The following WDR27 variants were observed in gnomAD, a reference collection of about 807,000 sequenced individuals.
WDR27 encodes the protein WD repeat-containing protein 27.
Under a neutral mutation model 114.4 loss-of-function variants are expected in WDR27, and 100 were observed. The observed-to-expected ratio is 0.87, with a 90% confidence interval of 0.74 to 1.03. WDR27 has a LOEUF of 1.03. Among genes scored for constraint, WDR27 ranks in the 50% least tolerant of loss-of-function variants. The pLI is 0.00. For synonymous variants in WDR27, 449 were observed against 423.1 expected (o/e 1.06, Z -0.75); for missense variants, 1,129 against 1,092.9 (o/e 1.03, Z -0.47).
rs975569676 is a variant in WDR27, at chr6:169,478,137, G to A, written c.2646-20503C>T. Reference sequence around the variant, plus strand: ...GACTGGGGGTTGGAGATGCCTACAAGGGGGGCCAAGAGATCTCTCTGGGTG... The same window carrying A: ...GACTGGGGGTTGGAGATGCCTACAAAGGGGGCCAAGAGATCTCTCTGGGTG... On this transcript the variant is annotated intron_variant, in intron 25 of 25. Transcript: ENST00000448612. Among the ~76,000 whole-genome samples, 3 of 152,010 alleles carry A rather than the reference G, an allele frequency of 2.0e-5. No individual in the cohort carries two copies. The South Asian group carries it at 6.2e-4, about 32-fold the overall frequency.
At chr6:169,609,753 T>C (rs1810085583) in intron 22 of WDR27, among the ~76,000 whole-genome samples, 1 of 152,260 alleles carries the variant, frequency 6.6e-6, no homozygotes, top group Non-Finnish European at 1.5e-5. Context: ...TGCAAATTTC[T>C]GCAGCCAGCT....
chr6:169,636,831 G>A (rs1327482573), intron 18 of WDR27, among the ~76,000 whole-genome samples: 2 of 152,120 alleles, frequency 1.3e-5, no homozygotes, highest in African/African-American at 4.8e-5. Flanking sequence ...CAGTTCTGAG[G>A]TGTCTGCTCT....
chr6:169,602,234 CCCA>C lies in WDR27; in HGVS notation c.2406_2408del (p.Cys802_Gly803delinsTrp). On this transcript the variant is annotated inframe_deletion, in exon 23 of 26. Transcript: ENST00000448612. ...CAGTACATACGTGTCTGTCCTCGGC[CCCA>C]CAAGCCGCGAATCGTCCACAAGGAC... 6.4e-7 allele frequency: 1 copy of C among 1,558,296 alleles called. No individual in the cohort carries two copies. The highest frequency in any genetic ancestry group is 8.7e-7 in the Non-Finnish European group (1 of 1,149,800).
At chr6:169,466,430 A>T (rs1785594735) in intron 25 of WDR27, among the ~76,000 whole-genome samples, 1 of 152,224 alleles carries the variant, frequency 6.6e-6, no homozygotes, top group African/African-American at 2.4e-5. Flanking sequence ...ACATGTCAGC[A>T]AAAAGGAGAA....
At chr6:169,530,706 C>T (rs535535999) in intron 25 of WDR27, among the ~76,000 whole-genome samples, 3 of 152,250 alleles carry the variant, frequency 2.0e-5, no homozygotes, top group Non-Finnish European at 2.9e-5. Context: ...TTCTTGAGGC[C>T]GGTGCCTCTC....
chr6:169,660,136 G>A (rs1825633259), intron 10 of WDR27, among the ~76,000 whole-genome samples: 1 of 149,058 alleles, frequency 6.7e-6, no homozygotes, highest in South Asian at 2.2e-4. Flanking sequence ...GGCAGAAAGA[G>A]TGCGGCTGGT....
chr6:169,579,786 ACT>A (rs1803071144), intron 24 of WDR27, among the ~76,000 whole-genome samples: 1 of 152,102 alleles, frequency 6.6e-6, no homozygotes, highest in South Asian at 2.1e-4. Context: ...GTTCGGGGCC[ACT>A]CTGCCTGTGC....
chr6:169,666,598 C>T (rs1223000975), intron 6 of WDR27: 18 of 985,402 alleles, frequency 1.8e-5, no homozygotes, highest in Admixed American at 6.1e-5. Flanking sequence ...CCGTGCTCCG[C>T]GGACGGACGC....
chr6:169,670,478 A>C, intron 4 of WDR27, 91 bp downstream of exon 4: 1 of 1,492,006 alleles, frequency 6.7e-7, no homozygotes, highest in Non-Finnish European at 9.1e-7. Context: ...GAGTACAGGA[A>C]AAAAGAAAAG....
chr6:169,510,718 A>C (rs1792718065), intron 25 of WDR27, among the ~76,000 whole-genome samples: 2 of 152,064 alleles, frequency 1.3e-5, no homozygotes, highest in African/African-American at 4.8e-5. Context: ...CCAACATGGC[A>C]CATGTATACA....
chr6:169,651,977 C>T lies in WDR27; in HGVS notation c.1434G>A (p.Leu478=). The T allele has an allele frequency of 1.2e-6, 2 of 1,613,842 alleles. No individual in the cohort carries two copies. Among genetic ancestry groups the T allele is most frequent in the Non-Finnish European group, 8.5e-7 (1 of 1,179,864 alleles). ...AARNVMKDQR[L]VFHSKVRSSG... ...ATGACCTAACTTTACTATGGAAAACCAGGCGTTGGTCCTTCATGACGTTCC... is the reference window on the plus strand; with the variant it reads ...ATGACCTAACTTTACTATGGAAAACTAGGCGTTGGTCCTTCATGACGTTCC... Residue 478 remains leucine (L), a synonymous_variant, in exon 14 of 26, where the codon CTG becomes CTA. Coordinates refer to ENST00000448612, the MANE Select transcript of WDR27 (RefSeq NM_182552.5).
chr6:169,676,640 A>G (rs955394548), intron 2 of WDR27, among the ~76,000 whole-genome samples: 1 of 152,160 alleles, frequency 6.6e-6, no homozygotes, highest in African/African-American at 2.4e-5. Context: ...CTTCTTATGT[A>G]TATTGGGGAC....
At chr6:169,681,075 C>T (rs896935334) in intron 2 of WDR27, among the ~76,000 whole-genome samples, 10 of 152,184 alleles carry the variant, frequency 6.6e-5, no homozygotes, top group African/African-American at 2.4e-4. Context: ...AAACAAAAGA[C>T]ACAAACACAA....
Position 169,638,543 on chromosome 6 carries a change from A to G in WDR27, c.1865T>C (p.Leu622Pro). The G allele has an allele frequency of 6.2e-7, 1 of 1,611,146 alleles. No homozygotes were observed. Among genetic ancestry groups the G allele is most frequent in the Non-Finnish European group, 8.5e-7 (1 of 1,179,126 alleles). The change falls in exon 18 of 26, where the codon CTT becomes CCT. Residue 622 changes from leucine (L) to proline (P), a missense_variant. Coordinates refer to ENST00000448612, the MANE Select transcript of WDR27 (RefSeq NM_182552.5). ...WSARGAELAL[L>P]LGKDMFSKPI... ...GCAGAGATGACTGTCCATTACCAGA[A>G]GCAGTGCGAGCTCTGCCCCACGAGC...
intron 25 of WDR27, among the ~76,000 whole-genome samples, chr6:169,533,654 C>A (rs1795874248): frequency 6.6e-6 from 1 of 152,198 alleles, no homozygotes; most frequent in Non-Finnish European, 1.5e-5. Context: ...CAAACACAGG[C>A]AGAGCCCCCA....
intron 24 of WDR27, among the ~76,000 whole-genome samples, chr6:169,577,842 A>AC (rs1206423863): frequency 4.6e-5 from 7 of 152,156 alleles, no homozygotes; most frequent in African/African-American, 1.7e-4. Flanking sequence ...GCTAGGACTT[A>AC]GACCTGTACC....
intron 25 of WDR27, among the ~76,000 whole-genome samples, chr6:169,505,280 A>AG (rs34395431): frequency 2.6e-5 from 4 of 152,176 alleles, no homozygotes; most frequent in Non-Finnish European, 5.9e-5. Flanking sequence ...ATGGGGCAGC[A>AG]GGGGGAGTTA....
At chr6:169,612,181 C>CA (rs1282705526) in intron 22 of WDR27, among the ~76,000 whole-genome samples, 1 of 151,440 alleles carries the variant, frequency 6.6e-6, no homozygotes, top group Non-Finnish European at 1.5e-5. Context: ...CTTGTAATCC[C>CA]AGCACTTTGG....
chr6:169,501,246 A>T (rs1791186305), intron 25 of WDR27, among the ~76,000 whole-genome samples: 1 of 152,202 alleles, frequency 6.6e-6, no homozygotes, highest in South Asian at 2.1e-4. Flanking sequence ...ATTGAAGCAG[A>T]GTGGCCCGGC....
Sources: allele counts gnomAD v4.1 joint callset (sites outside exome capture counted in the v4.1 genomes callset), GRCh38; gene constraint gnomAD v4.1.1; transcripts MANE v1.5; gene names NCBI Gene and HGNC (gene_info 2026-07-23, HGNC 2026-07-21).